The following PTPRK variants were observed in gnomAD, a reference collection of about 807,000 sequenced individuals.
The protein encoded by PTPRK is receptor-type tyrosine-protein phosphatase kappa.
A neutral mutation model predicts 178.0 loss-of-function variants in PTPRK; 75 were observed. That is an observed-to-expected ratio of 0.42 (90% CI 0.35 to 0.51). The LOEUF (loss-of-function observed/expected upper bound fraction) is 0.51, where lower values mean the gene tolerates loss of function less well. PTPRK is among the 20% of genes least tolerant of loss of function. PTPRK has a pLI of 0.02. For synonymous variants in PTPRK, 637 were observed against 620.6 expected (o/e 1.03, Z -0.39); for missense variants, 1,441 against 1,797.8 (o/e 0.80, Z 3.59).
At chr6:128,035,243 G>C (rs1776015685) in intron 13 of PTPRK, among the ~76,000 whole-genome samples, 1 of 152,104 alleles carries the variant, frequency 6.6e-6, no homozygotes, top group Non-Finnish European at 1.5e-5. Flanking sequence ...GCAAGTGCCT[G>C]TAATCTCAGC....
intron 7 of PTPRK, among the ~76,000 whole-genome samples, chr6:128,124,288 C>T (rs1792970151): frequency 6.6e-6 from 1 of 152,026 alleles, no homozygotes; most frequent in East Asian, 1.9e-4. Context: ...CCTCAGGTGA[C>T]CCACCCACCA....
rs58051125 is a variant in PTPRK at position 128,238,185 on chromosome 6, C to CAAAAAAAAAAAAAAAAAA, written c.693+1849_693+1850insTTTTTTTTTTTTTTTTTT. ...AAATTCACCATTCTGTAGCAAACGC[C>CAAAAAAAAAAAAAAAAAA]AAAAAAAAAAAAAAAAAGAAAAGAA... On this transcript the variant is annotated intron_variant, in intron 5 of 29. Coordinates refer to ENST00000368226, the MANE Select transcript of PTPRK (RefSeq NM_002844.4). 107 of 206,360 alleles carry CAAAAAAAAAAAAAAAAAA rather than the reference C, an allele frequency of 5.2e-4. 1 individual carries two copies. Among genetic ancestry groups the CAAAAAAAAAAAAAAAAAA allele is most frequent in the South Asian group, 7.4e-4 (25 of 33,938 alleles). 12.8% of individuals were successfully genotyped at this position (206,360 alleles called of 1,614,324 possible). A position where few individuals can be genotyped will look rare whatever the true frequency, so the allele number is the denominator to read the frequency against.
intron 5 of PTPRK, among the ~76,000 whole-genome samples, chr6:128,226,836 T>C (rs1011883683): frequency 6.7e-6 from 1 of 148,192 alleles, no homozygotes; most frequent in Non-Finnish European, 1.5e-5. Context: ...CTGGTTCTGC[T>C]TTACTTTCTT....
At chr6:128,112,990 T>C (rs1483781785) in intron 7 of PTPRK, among the ~76,000 whole-genome samples, 1 of 152,112 alleles carries the variant, frequency 6.6e-6, no homozygotes, top group Non-Finnish European at 1.5e-5. Flanking sequence ...CTGCATATGA[T>C]AGTTGTTCCT....
intron 1 of PTPRK, among the ~76,000 whole-genome samples, chr6:128,404,275 G>C (rs1841386858): frequency 6.6e-6 from 1 of 152,198 alleles, no homozygotes; most frequent in Non-Finnish European, 1.5e-5. Context: ...GAGTAATAAA[G>C]TGAGACTAGA....
intron 1 of PTPRK, among the ~76,000 whole-genome samples, chr6:128,468,021 A>T (rs965919622): frequency 6.6e-6 from 1 of 152,172 alleles, no homozygotes; most frequent in African/African-American, 2.4e-5. Flanking sequence ...TACCTAATTG[A>T]TTTCTTGACT....
intron 18 of PTPRK, chr6:127,995,129 G>T: frequency 1.0e-6 from 1 of 993,550 alleles, no homozygotes. Flanking sequence ...TATATTGTAT[G>T]AAGCTAATTA....
intron 25 of PTPRK, among the ~76,000 whole-genome samples, chr6:127,980,234 T>C (rs1229910797): frequency 2.0e-5 from 3 of 152,166 alleles, no homozygotes; most frequent in African/African-American, 7.2e-5. Flanking sequence ...CGCTTGAACC[T>C]GGGAAGCAGA....
At chr6:128,366,364 T>C (rs1426374842) in intron 2 of PTPRK, among the ~76,000 whole-genome samples, 5 of 152,164 alleles carry the variant, frequency 3.3e-5, no homozygotes, top group African/African-American at 7.2e-5. Context: ...TACATAAATA[T>C]GTTTCACATC....
intron 11 of PTPRK, among the ~76,000 whole-genome samples, chr6:128,068,085 G>A (rs1358803415): frequency 6.6e-6 from 1 of 152,136 alleles, no homozygotes; most frequent in Non-Finnish European, 1.5e-5. Flanking sequence ...CCCTAATAAG[G>A]ATTCTGACAT....
At position 128,200,204 on chromosome 6, in the gene PTPRK, A is replaced by G. The variant is rs142253361; in HGVS notation, c.869-15479T>C. ...GCAAAGTTAGGTCTTTAATGTCTTG[A>G]TATTATTTGTACTCTGCATTGCCAC... is the stretch of plus-strand genomic sequence containing the variant. On this transcript the variant is annotated intron_variant, in intron 6 of 29. Transcript: ENST00000368226. Among the ~76,000 whole-genome samples, 8 of 152,238 alleles carry G rather than the reference A, an allele frequency of 5.3e-5. No homozygotes were observed. The East Asian group carries it at 9.7e-4, about 18-fold the overall frequency.
intron 1 of PTPRK, among the ~76,000 whole-genome samples, chr6:128,507,291 A>C (rs1272647850): frequency 6.6e-6 from 1 of 152,092 alleles, no homozygotes; most frequent in African/African-American, 2.4e-5. Context: ...GGTATATGTA[A>C]TCTAGTAACT....
intron 3 of PTPRK, among the ~76,000 whole-genome samples, chr6:128,261,289 G>C (rs1345623093): frequency 6.6e-6 from 1 of 152,110 alleles, no homozygotes; most frequent in African/African-American, 2.4e-5. Context: ...TTTTTCAATA[G>C]TTATATGGAT....
chr6:128,480,423 T>A (rs1162623158), intron 1 of PTPRK, among the ~76,000 whole-genome samples: 1 of 152,164 alleles, frequency 6.6e-6, no homozygotes, highest in Non-Finnish European at 1.5e-5. Flanking sequence ...ACTCTTTCTC[T>A]TCTTTATCAA....
chr6:128,178,036 GC>G (rs1801348128), intron 7 of PTPRK, among the ~76,000 whole-genome samples: 1 of 151,756 alleles, frequency 6.6e-6, no homozygotes, highest in Admixed American at 6.6e-5. Context: ...GTGACTACTG[GC>G]TAGACATTGT....
At chr6:128,406,974 G>A (rs1299599899) in intron 1 of PTPRK, among the ~76,000 whole-genome samples, 1 of 152,146 alleles carries the variant, frequency 6.6e-6, no homozygotes, top group African/African-American at 2.4e-5. Context: ...ATTTTACATT[G>A]GATCTCACCA....
chr6:128,294,329 A>C (rs1021062856), intron 3 of PTPRK, among the ~76,000 whole-genome samples: 1 of 151,976 alleles, frequency 6.6e-6, no homozygotes, highest in African/African-American at 2.4e-5. Context: ...CTTCAAACAC[A>C]GTTTTTTTCT....
intron 6 of PTPRK, among the ~76,000 whole-genome samples, chr6:128,199,673 C>T (rs915716986): frequency 1.3e-5 from 2 of 152,138 alleles, no homozygotes; most frequent in Non-Finnish European, 1.5e-5. Context: ...CAAGGGCCAA[C>T]CCCCGCAAGG....
At chr6:128,315,969 A>T (rs1827944235) in intron 3 of PTPRK, among the ~76,000 whole-genome samples, 2 of 152,200 alleles carry the variant, frequency 1.3e-5, no homozygotes, top group Non-Finnish European at 2.9e-5. Flanking sequence ...AGCCCTAAAA[A>T]CTAGACCAAT....
Sources: gnomAD v4.1 joint callset for allele counts (sites outside exome capture counted in the v4.1 genomes callset) on GRCh38, gnomAD v4.1.1 for gene constraint, MANE v1.5 for transcripts, NCBI Gene and HGNC (gene_info 2026-07-23, HGNC 2026-07-21) for gene names.